Variants in HTR2A observed in about 807,000 individuals in gnomAD.
HTR2A encodes 5-hydroxytryptamine receptor 2A, also known as 5-HT2 receptor.
Under a neutral mutation model 31.0 loss-of-function variants are expected in HTR2A, and 14 were observed. That is an observed-to-expected ratio of 0.45 (90% CI 0.30 to 0.71). HTR2A has a LOEUF of 0.71. Among genes scored for constraint, HTR2A ranks in the 30% least tolerant of loss-of-function variants. The pLI, the probability that HTR2A is intolerant of heterozygous loss-of-function variation, is 0.09. For missense variants in HTR2A, 442 were observed against 573.3 expected, an observed-to-expected ratio of 0.77 and a Z score of 2.34; for synonymous variants, 209 against 225.2, an observed-to-expected ratio of 0.93 and a Z score of 0.64.
At chr13:46,879,085 T>C (rs1368601512) in intron 3 of HTR2A, among the ~76,000 whole-genome samples, 1 of 152,152 alleles carries the variant, frequency 6.6e-6, no homozygotes, top group East Asian at 1.9e-4. Flanking sequence ...TAAAAGGATA[T>C]ACACATGGAT....
chr13:46,839,929 C>A (rs2138187424), intron 3 of HTR2A, among the ~76,000 whole-genome samples: 1 of 152,244 alleles, frequency 6.6e-6, no homozygotes, highest in Non-Finnish European at 1.5e-5. Flanking sequence ...TGGACTTTTT[C>A]TGAGACAGTG....
At chr13:46,873,436 A>ATTATTATT (rs1950880586) in intron 3 of HTR2A, among the ~76,000 whole-genome samples, 1 of 64,128 alleles carries the variant, frequency 1.6e-5, no homozygotes, top group South Asian at 6.4e-4. Context: ...ATTTATTATT[A>ATTATTATT]TTATTATTAT....
intron 3 of HTR2A, among the ~76,000 whole-genome samples, chr13:46,891,159 T>C (rs1307692435): frequency 2.6e-5 from 4 of 152,346 alleles, no homozygotes; most frequent in East Asian, 1.9e-4. Flanking sequence ...TCCTCATTTA[T>C]CAAATAAGCA....
At chr13:46,853,085 TTA>T (rs1273976115) in intron 3 of HTR2A, among the ~76,000 whole-genome samples, 10 of 152,212 alleles carry the variant, frequency 6.6e-5, no homozygotes, top group African/African-American at 1.9e-4. Flanking sequence ...TGTCAGTATC[TTA>T]TAGAGTTTGT....
In HTR2A at chr13:46,867,264, T is replaced by C. The variant is rs180860619; in HGVS notation, c.613+25126A>G. Among the ~76,000 whole-genome samples the C allele has an allele frequency of 2.2e-4, 33 of 152,284 alleles. No homozygotes were observed. In the South Asian group the frequency reaches 2.5e-3, roughly 11 times the overall value. ...CTGGTTGATGACCCTCACCTAGAGA[T>C]AAGTTACCCTTAAAATGCCTACTAT... On this transcript the variant is annotated intron_variant, in intron 3 of 3. Coordinates refer to ENST00000542664, the MANE Select transcript of HTR2A (RefSeq NM_000621.5).
At chr13:46,841,561 A>G in intron 3 of HTR2A, among the ~76,000 whole-genome samples, 1 of 152,026 alleles carries the variant, frequency 6.6e-6, no homozygotes, top group African/African-American at 2.4e-5. Context: ...AAAAATATAA[A>G]TGCCCAGGCA....
chr13:46,857,015 T>C (rs1298501032), intron 3 of HTR2A, among the ~76,000 whole-genome samples: 3 of 152,044 alleles, frequency 2.0e-5, no homozygotes, highest in Non-Finnish European at 2.9e-5. Context: ...TAGAAATTCA[T>C]TGCTGGCTGG....
chr13:46,881,419 G>T (rs745917889), intron 3 of HTR2A, among the ~76,000 whole-genome samples: 16 of 152,214 alleles, frequency 1.1e-4, no homozygotes, highest in Non-Finnish European at 1.9e-4. Context: ...CCACTCAGCT[G>T]CAGGCTGGGG....
Position 46,835,614 on chromosome 13 carries a change from A to G in HTR2A, c.639T>C (p.Phe213=), listed in dbSNP as rs143289722. The G allele has an allele frequency of 6.9e-5, 111 of 1,613,532 alleles. 3 individuals carry two copies. In the Middle Eastern group the frequency reaches 0.011, roughly 159 times the overall value. Reference sequence around the variant, plus strand: ...AGACCTTCGAATCGTCCTGTAGCCCAAAGACTGGTATTGGCATGGATATAC... The same window carrying G: ...AGACCTTCGAATCGTCCTGTAGCCCGAAGACTGGTATTGGCATGGATATAC... ...SVGISMPIPV[F]GLQDDSKVFK... The change falls in exon 4 of 4, where the codon TTT becomes TTC. Residue 213 remains phenylalanine (F), a synonymous_variant. Coordinates refer to ENST00000542664, the MANE Select transcript of HTR2A (RefSeq NM_000621.5).
intron 3 of HTR2A, among the ~76,000 whole-genome samples, chr13:46,867,965 C>T (rs1473439260): frequency 1.3e-5 from 2 of 152,060 alleles, no homozygotes; most frequent in South Asian, 2.1e-4. Flanking sequence ...GCACAAAGTA[C>T]CCACATTGTA....
intron 2 of HTR2A, among the ~76,000 whole-genome samples, chr13:46,894,264 C>T (rs959607008): frequency 3.3e-5 from 5 of 152,120 alleles, no homozygotes; most frequent in Non-Finnish European, 7.4e-5. Context: ...GCTCCCCAAG[C>T]GGGTGACGCC....
At chr13:46,849,717 C>T (rs937441357) in intron 3 of HTR2A, among the ~76,000 whole-genome samples, 5 of 152,196 alleles carry the variant, frequency 3.3e-5, no homozygotes, top group African/African-American at 1.2e-4. Flanking sequence ...AGTCAGCCTT[C>T]CTCACCCTGC....
At chr13:46,871,929 A>G (rs1296470639) in intron 3 of HTR2A, among the ~76,000 whole-genome samples, 2 of 152,256 alleles carry the variant, frequency 1.3e-5, no homozygotes, top group African/African-American at 2.4e-5. Flanking sequence ...TGCATAAGAC[A>G]TGATTTTCTG....
chr13:46,891,426 A>T (rs1046815183), intron 3 of HTR2A, among the ~76,000 whole-genome samples: 5 of 152,240 alleles, frequency 3.3e-5, no homozygotes, highest in African/African-American at 1.2e-4. Flanking sequence ...AATAGTTCCC[A>T]TTGCTAGCAG....
In HTR2A at chr13:46,863,688, A is replaced by C. The variant is rs1016048050; in HGVS notation, c.614-28049T>G. 4.7e-5 allele frequency among the ~76,000 whole-genome samples: 7 copies of C among 150,534 alleles called. No homozygotes were observed. In the East Asian group the frequency reaches 1.2e-3, roughly 25 times the overall value. Reference sequence around the variant, plus strand: ...GACAGTCATATGAAAAAAGCTCAACATCACTGATCATTTGAAAATCAAAAC... The same window carrying C: ...GACAGTCATATGAAAAAAGCTCAACCTCACTGATCATTTGAAAATCAAAAC... On this transcript the variant is annotated intron_variant, in intron 3 of 3. Transcript: ENST00000542664.
intron 3 of HTR2A, among the ~76,000 whole-genome samples, chr13:46,865,570 C>T (rs1231778119): frequency 2.0e-5 from 3 of 152,180 alleles, no homozygotes; most frequent in African/African-American, 7.2e-5. Context: ...GCAGCAATGT[C>T]CATTGGAACG....
At position 46,832,352 on chromosome 13, in the gene HTR2A, T is replaced by G. The variant is rs1227802969; in HGVS notation, c.*2485A>C. ...ATATATAAATATTGAATAAAGTGCA[T>G]GAGAACATGTCTGTACATATATACA... On this transcript the variant is annotated 3_prime_UTR_variant, in exon 4 of 4. Transcript: ENST00000542664. 1 of 152,224 alleles carries G rather than the reference T, an allele frequency of 6.6e-6. No individual in the cohort carries two copies. Among genetic ancestry groups the G allele is most frequent in the Non-Finnish European group, 1.5e-5 (1 of 68,038 alleles). 9.4% of individuals were successfully genotyped at this position (152,224 alleles called of 1,614,324 possible).
chr13:46,892,198 T>A (rs1951058706), intron 3 of HTR2A, among the ~76,000 whole-genome samples, 192 bp downstream of exon 3: 1 of 152,244 alleles, frequency 6.6e-6, no homozygotes, highest in Non-Finnish European at 1.5e-5. Context: ...AAATTCATGT[T>A]GTCAGCCAGT....
chr13:46,854,199 T>C (rs1028219884), intron 3 of HTR2A: 2 of 152,238 alleles, frequency 1.3e-5, no homozygotes, highest in Admixed American at 1.3e-4. Flanking sequence ...GTTGTGACGA[T>C]TAAATGCAAT....
Sources: gnomAD v4.1 joint callset for allele counts (sites outside exome capture counted in the v4.1 genomes callset) on GRCh38, gnomAD v4.1.1 for gene constraint, MANE v1.5 for transcripts, NCBI Gene and HGNC (gene_info 2026-07-23, HGNC 2026-07-21) for gene names.